The following COL20A1 variants were observed in gnomAD, a reference collection of about 807,000 sequenced individuals.
COL20A1 encodes collagen alpha-1(XX) chain.
COL20A1 carries 164 observed loss-of-function variants against 152.9 expected under a neutral mutation model. The observed-to-expected ratio is 1.07, with a 90% confidence interval of 0.94 to 1.22. COL20A1 has a LOEUF of 1.22. COL20A1 is among the 50% of genes most tolerant of loss of function. The pLI, the probability that COL20A1 is intolerant of heterozygous loss-of-function variation, is 0.00. For synonymous variants in COL20A1, 864 were observed against 756.0 expected, an observed-to-expected ratio of 1.14 and a Z score of -2.34; for missense variants, 1,873 against 1,744.8, an observed-to-expected ratio of 1.07 and a Z score of -1.31.
rs2068138213 is a variant in COL20A1, at chr20:63,320,034, C to T, written c.2917-5C>T. On this transcript the variant is annotated splice_polypyrimidine_tract_variant and splice_region_variant and intron_variant, in intron 23 of 35. Transcript: ENST00000358894. ...CTGTGGAGAACCTCCCGTGCCGTCTCACAGGTGCACGTGGCTGTGGGCCGC... is the reference window on the plus strand; with the variant it reads ...CTGTGGAGAACCTCCCGTGCCGTCTTACAGGTGCACGTGGCTGTGGGCCGC... 2.6e-6 allele frequency: 4 copies of T among 1,552,390 alleles called. No individual in the cohort carries two copies. The highest frequency in any genetic ancestry group is 3.5e-6 in the Non-Finnish European group (4 of 1,148,738).
intron 21 of COL20A1, among the ~76,000 whole-genome samples, chr20:63,317,801 C>T (rs1443620558): frequency 6.6e-6 from 1 of 152,062 alleles, no homozygotes; most frequent in South Asian, 2.1e-4. Context: ...TGCCCTCTGC[C>T]CTCCTCTCTG....
chr20:63,330,619 G>C (rs2068320914), intron 35 of COL20A1, 101 bp from the exon 36 acceptor site: 1 of 152,312 alleles, frequency 6.6e-6, no homozygotes, highest in African/African-American at 2.4e-5. Flanking sequence ...AGAGACCCAG[G>C]ATGCGGGCTC....
intron 2 of COL20A1, among the ~76,000 whole-genome samples, chr20:63,295,942 G>A (rs1160013839): frequency 6.6e-6 from 1 of 152,270 alleles, no homozygotes; most frequent in Non-Finnish European, 1.5e-5. Context: ...CCCACTGAGC[G>A]ATGGTTTTGT....
chr20:63,325,033 G>T (rs1458206574), intron 27 of COL20A1: 11 of 327,166 alleles, frequency 3.4e-5, no homozygotes, highest in Non-Finnish European at 6.5e-5. Flanking sequence ...TGGCTTCACA[G>T]GCTTGGCTCT....
rs535682567 is a variant in COL20A1 at position 63,306,385 on chromosome 20, C to T, written c.496+346C>T. On this transcript the variant is annotated intron_variant, in intron 5 of 35. Transcript: ENST00000358894. The surrounding 1 kb of genome is among the most constrained non-coding windows in gnomAD (Gnocchi z 6.9). ...AAGTTCTTCCTCGTGTCTGACCACA[C>T]GGTCTCTGGCTTTAACTTAAAGTTG... is the stretch of plus-strand genomic sequence containing the variant. Among the ~76,000 whole-genome samples, 18 of 152,310 alleles carry T rather than the reference C, an allele frequency of 1.2e-4. No individual in the cohort carries two copies. The highest frequency in any genetic ancestry group is 8.3e-4 in the South Asian group (4 of 4,822).
At position 63,308,561 on chromosome 20, in the gene COL20A1, G is replaced by T. The variant is rs1459959345; in HGVS notation, c.795G>T (p.Val265=). Reference sequence around the variant, plus strand: ...CCCAAGGCCTTGCCCTGACCCACGTGCTGGGGCAGAACCTGCAGCCGGCGG... The same window carrying T: ...CCCAAGGCCTTGCCCTGACCCACGTTCTGGGGCAGAACCTGCAGCCGGCGG... ...NTFTGLALTH[V]LGQNLQPAAG... Residue 265 remains valine (V), a synonymous_variant, in exon 8 of 36, where the codon GTG becomes GTT. Transcript: ENST00000358894. 6.2e-7 allele frequency: 1 copy of T among 1,603,878 alleles called. No homozygotes were observed. The highest frequency in any genetic ancestry group is 8.5e-7 in the Non-Finnish European group (1 of 1,175,808).
At chr20:63,318,970 G>A (rs2068119869) in intron 21 of COL20A1, 88 bp from the exon 22 acceptor site, 1 of 1,027,872 alleles carries the variant, frequency 9.7e-7, no homozygotes, top group Non-Finnish European at 1.5e-6. Flanking sequence ...ACTGGCACTG[G>A]GGCTGGGGCT....
intron 8 of COL20A1, 123 bp from the exon 9 acceptor site, chr20:63,309,210 T>G (rs1462853952): frequency 5.5e-6 from 4 of 723,592 alleles, no homozygotes; most frequent in African/African-American, 5.5e-5. Flanking sequence ...GGGTGGCAGG[T>G]GGGCCGAGTA....
chr20:63,318,562 C>T (rs767064273), intron 21 of COL20A1, among the ~76,000 whole-genome samples: 1 of 152,076 alleles, frequency 6.6e-6, no homozygotes, highest in Non-Finnish European at 1.5e-5. Flanking sequence ...GGAGCTGCTC[C>T]CGAGAGCAGA....
rs772359581 is a variant in COL20A1 at position 63,312,764 on chromosome 20, C to T, written c.1934-28C>T. On this transcript the variant is annotated intron_variant, in intron 15 of 35. Transcript: ENST00000358894. ...AGGTGCCCAGGCTCAGGGGCTACAC[C>T]CCCAGCCTGTGTCTCCACTTCCTTC... 7.9e-6 allele frequency: 12 copies of T among 1,525,788 alleles called. No homozygotes were observed. In the South Asian group the frequency reaches 1.2e-4, roughly 16 times the overall value. 94.5% of individuals were successfully genotyped at this position (1,525,788 alleles called of 1,614,324 possible).
In COL20A1 at chr20:63,309,462, A is replaced by G. The variant is rs1396986136; in HGVS notation, c.1070A>G (p.Gln357Arg). ...LAGLLSRLIC[Q>R]RLQGGSPRQG... is the part of the protein sequence containing the mutation. ...GGCCTGCTCAGCCGTCTCATCTGCC[A>G]GAGGCTCCAGGGTGGGAGCCCGCGG... The change falls in exon 9 of 36, where the codon CAG (glutamine) becomes CGG (arginine). Residue 357 changes from glutamine to arginine, a missense_variant. Physicochemically the swap from Gln to Arg is conservative, Grantham distance 43. Coordinates refer to ENST00000358894, the MANE Select transcript of COL20A1 (RefSeq NM_020882.4). 20 of 1,537,080 alleles carry G rather than the reference A, an allele frequency of 1.3e-5. No homozygotes were observed. Among genetic ancestry groups the G allele is most frequent in the Non-Finnish European group, 1.5e-5 (17 of 1,138,588 alleles).
Position 63,323,104 on chromosome 20 carries a change from G to A in COL20A1, c.3294+993G>A, listed in dbSNP as rs367546474. Among the ~76,000 whole-genome samples the A allele has an allele frequency of 3.0e-4, 45 of 152,370 alleles. 1 individual carries two copies. The South Asian group carries it at 4.3e-3, about 15-fold the overall frequency. ...CATTCCTGGCTGCTTTGGGAGCCGC[G>A]TCTGATAGATGAAAATGCATTTCTC... is the stretch of plus-strand genomic sequence containing the variant. On this transcript the variant is annotated intron_variant, in intron 27 of 35. Transcript: ENST00000358894.
intron 25 of COL20A1, 72 bp from the exon 26 acceptor site, chr20:63,320,941 A>C: frequency 8.4e-7 from 1 of 1,191,304 alleles, no homozygotes; most frequent in Middle Eastern, 1.9e-4. Context: ...GTCATTGGCT[A>C]ATCTCAGCTC....
chr20:63,321,572 G>A (rs1394276050), intron 26 of COL20A1, among the ~76,000 whole-genome samples: 2 of 152,212 alleles, frequency 1.3e-5, no homozygotes, highest in African/African-American at 4.8e-5. Flanking sequence ...CACTGTCCTG[G>A]GTGCTGGCAG....
chr20:63,322,024 T>C, intron 26 of COL20A1, 34 bp from the exon 27 acceptor site: 1 of 1,507,806 alleles, frequency 6.6e-7, no homozygotes, highest in South Asian at 1.3e-5. Flanking sequence ...GGTTGGGTAG[T>C]TCTGGGGGCT....
intron 1 of COL20A1, among the ~76,000 whole-genome samples, chr20:63,294,636 C>T (rs1001108934): frequency 2.0e-5 from 3 of 152,168 alleles, no homozygotes; most frequent in Admixed American, 6.5e-5. Context: ...ATGACCCTTC[C>T]GCCTCCAGGG....
At chr20:63,299,189 C>A (rs760474386) in intron 3 of COL20A1, among the ~76,000 whole-genome samples, 1 of 152,084 alleles carries the variant, frequency 6.6e-6, no homozygotes, top group African/African-American at 2.4e-5. Flanking sequence ...GTTGTGTAGA[C>A]GCCGTGTGAG....
At position 63,326,159 on chromosome 20, in the gene COL20A1, G is replaced by A. The variant is rs1054761518; in HGVS notation, c.3456+10G>A. On this transcript the variant is annotated intron_variant, in intron 30 of 35. Transcript: ENST00000358894. ...ACCCCCTGGCCCCAGGGTAGGCACC[G>A]ACCTCCCATGACCCCGACCCCCACC... The A allele has an allele frequency of 1.8e-5, 29 of 1,606,322 alleles. No homozygotes were observed. Among genetic ancestry groups the A allele is most frequent in the Non-Finnish European group, 2.5e-5 (29 of 1,174,226 alleles).
At position 63,311,439 on chromosome 20, in the gene COL20A1, C is replaced by A; in HGVS notation, c.1439C>A (p.Pro480His). 6.4e-7 allele frequency: 1 copy of A among 1,573,916 alleles called. No homozygotes were observed. The highest frequency in any genetic ancestry group is 8.6e-7 in the Non-Finnish European group (1 of 1,160,308). ...PRALTLAAVT[P>H]RTVHLTWQPS... is the part of the protein sequence containing the mutation. ...GCGCTGACCCTGGCCGCAGTGACGC[C>A]CAGAACCGTCCACCTCACCTGGCAG... Residue 480 changes from proline (P) to histidine (H), a missense_variant, in exon 12 of 36, where the codon CCC becomes CAC. By Grantham distance (77) the Pro-to-His change is moderately conservative (BLOSUM62 -2). Transcript: ENST00000358894. This position sits in a 1 kb window ranked among gnomAD's most constrained non-coding sequence, Gnocchi z 4.4.
Sources: allele counts gnomAD v4.1 joint callset (sites outside exome capture counted in the v4.1 genomes callset), GRCh38; gene constraint gnomAD v4.1.1; non-coding constraint Gnocchi (gnomAD v3.1); transcripts MANE v1.5; gene names NCBI Gene and HGNC (gene_info 2026-07-23, HGNC 2026-07-21).